Variants in UNC13A observed in about 807,000 individuals in gnomAD.
The protein encoded by UNC13A is protein unc-13 homolog A.
A neutral mutation model predicts 219.7 loss-of-function variants in UNC13A; 61 were observed. The observed-to-expected ratio is 0.28, with a 90% CI of 0.23 to 0.34. The LOEUF is 0.34. Among genes scored for constraint, UNC13A ranks in the 10% least tolerant of loss-of-function variants. UNC13A has a pLI of 1.00. For synonymous variants in UNC13A, 920 were observed against 884.6 expected, an observed-to-expected ratio of 1.04 and a Z score of -0.71; for missense variants, 1,476 against 2,270.3, an observed-to-expected ratio of 0.65 and a Z score of 7.11.
Position 17,627,850 on chromosome 19 carries a change from G to T in UNC13A, c.3831+13C>A. On this transcript the variant is annotated intron_variant, in intron 32 of 43. Coordinates refer to ENST00000519716, the MANE Select transcript of UNC13A (RefSeq NM_001080421.3). This position sits in a 1 kb window ranked among gnomAD's most constrained non-coding sequence, Gnocchi z 4.7. The stretch of plus-strand genomic sequence containing the variant: ...CCCATCCCTTCTCCAGCCCTGCCTC[G>T]GCCCTGCCTCACCTCCTTTCCTCCC... The T allele has an allele frequency of 6.3e-7, 1 of 1,592,458 alleles. No homozygotes were observed. Among genetic ancestry groups the T allele is most frequent in the African/African-American group, 1.3e-5 (1 of 74,688 alleles).
At chr19:17,609,917 T>C (rs751357315) in intron 43 of UNC13A, 23 bp downstream of exon 43, 3 of 1,612,112 alleles carry the variant, frequency 1.9e-6, no homozygotes, top group Non-Finnish European at 2.5e-6. Flanking sequence ...GCCCCCATGC[T>C]CTTCAAAGCA....
chr19:17,646,690 C>T (rs572931156), intron 17 of UNC13A, among the ~76,000 whole-genome samples: 4 of 152,198 alleles, frequency 2.6e-5, no homozygotes, highest in African/African-American at 9.6e-5. Flanking sequence ...AGGGTTCCTT[C>T]CCTCCCTGAC....
At position 17,656,185 on chromosome 19, in the gene UNC13A, G is replaced by C; in HGVS notation, c.981C>G (p.Asp327Glu). The C allele has an allele frequency of 1.3e-6, 2 of 1,552,092 alleles. No homozygotes were observed. The highest frequency in any genetic ancestry group is 1.7e-4 in the Middle Eastern group (1 of 5,992). ...WDQDEEELEE[D>E]LEDFLEEEEL... ...CCTCCTCCTCCAGGAAGTCCTCCAG[G>C]TCCTCCTCCAGCTCTTCCTCATCCT... is the stretch of plus-strand genomic sequence containing the variant. Residue 327 changes from aspartate (D) to glutamate (E), a missense_variant, in exon 10 of 44, where the codon GAC becomes GAG. Coordinates refer to ENST00000519716, the MANE Select transcript of UNC13A (RefSeq NM_001080421.3).
intron 10 of UNC13A, 105 bp from the exon 11 acceptor site, chr19:17,655,487 C>A: frequency 1.1e-6 from 1 of 949,210 alleles, no homozygotes; most frequent in South Asian, 1.5e-5. Flanking sequence ...CATGGTATCT[C>A]TGACCCCTCA....
At chr19:17,623,486 C>T in intron 36 of UNC13A, 56 bp downstream of exon 36, 23 of 1,475,796 alleles carry the variant, frequency 1.6e-5, no homozygotes, top group Non-Finnish European at 2.0e-5. Context: ...CGCGGTGGGC[C>T]GAGTCCAGAC....
chr19:17,667,745 G>A (rs1302105637), intron 6 of UNC13A, among the ~76,000 whole-genome samples: 1 of 151,330 alleles, frequency 6.6e-6, no homozygotes, highest in Non-Finnish European at 1.5e-5. Flanking sequence ...AAATTGCTGG[G>A]ATTACAGGTG....
chr19:17,620,627 G>C (rs1413183702), intron 38 of UNC13A, 66 bp downstream of exon 38: 7 of 1,499,838 alleles, frequency 4.7e-6, no homozygotes, highest in Non-Finnish European at 5.5e-6. Flanking sequence ...AGGTGGAAGG[G>C]GGCACAGGGG....
At chr19:17,659,252 G>A (rs2079511742) in intron 8 of UNC13A, among the ~76,000 whole-genome samples, 1 of 151,896 alleles carries the variant, frequency 6.6e-6, no homozygotes, top group Non-Finnish European at 1.5e-5. Flanking sequence ...AGACCAGCCT[G>A]GGCAACATAC....
intron 9 of UNC13A, 29 bp downstream of exon 9, chr19:17,658,033 A>G: frequency 6.2e-7 from 1 of 1,605,452 alleles, no homozygotes; most frequent in African/African-American, 1.3e-5. Flanking sequence ...AGCAGGACCC[A>G]CATGCATGCT....
intron 25 of UNC13A, among the ~76,000 whole-genome samples, chr19:17,637,252 G>A (rs1163630279): frequency 6.6e-6 from 1 of 151,426 alleles, no homozygotes; most frequent in Non-Finnish European, 1.5e-5. Flanking sequence ...TGACATTACA[G>A]GTGTGAGCCA....
rs148196072 is a variant in UNC13A at position 17,649,371 on chromosome 19, G to T, written c.1519-27C>A. ...TGAAGTGTCCACGCAGCACATGGGG[G>T]TAGAAATCAGACTACATTAGTCTCA... On this transcript the variant is annotated intron_variant, in intron 13 of 43. Transcript: ENST00000519716. This position sits in a 1 kb window ranked among gnomAD's most constrained non-coding sequence, Gnocchi z 4.4. 2,229 of 1,606,840 alleles carry T rather than the reference G, an allele frequency of 1.4e-3. 40 individuals carry two copies. The African/African-American group carries it at 0.026, about 19-fold the overall frequency.
At chr19:17,609,512 C>G (rs2076579140) in intron 43 of UNC13A, among the ~76,000 whole-genome samples, 1 of 152,002 alleles carries the variant, frequency 6.6e-6, no homozygotes, top group Non-Finnish European at 1.5e-5. Flanking sequence ...TCCAGTAGTC[C>G]CCACCCCCAT....
chr19:17,640,876 CTTTCTTT>C (rs2145041487), intron 21 of UNC13A, among the ~76,000 whole-genome samples: 1 of 117,918 alleles, frequency 8.5e-6, no homozygotes, highest in East Asian at 2.0e-4. Context: ...TTTTTTCTTT[CTTTCTTT>C]TTTTTTTTTT....
chr19:17,656,015 T>A lies in UNC13A; in HGVS notation c.1151A>T (p.Lys384Met). Residue 384 changes from lysine to methionine, a missense_variant, in exon 10 of 44, where the codon AAG becomes ATG. Around this residue, in one of 14 missense-constraint regions of UNC13A, gnomAD observed 351 missense variants for 342.6 expected, o/e 1.02. Coordinates refer to ENST00000519716, the MANE Select transcript of UNC13A (RefSeq NM_001080421.3). ...GGGTGCCACTGGGGCCTTGTCCTCC[T>A]TCCCTGGGGCAGCTGGCGGGAGGCT... ...RISLPPAAPG[K>M]EDKAPVAPTE... is the part of the protein sequence containing the mutation. 6.3e-7 allele frequency: 1 copy of A among 1,579,574 alleles called. No individual in the cohort carries two copies. The highest frequency in any genetic ancestry group is 1.3e-5 in the African/African-American group (1 of 74,508).
rs901008843 is a variant in UNC13A at position 17,641,269 on chromosome 19, C to A, written c.2636+124G>T. The A allele has an allele frequency of 1.6e-5, 20 of 1,252,316 alleles. No homozygotes were observed. In the Admixed American group the frequency reaches 3.6e-4, roughly 23 times the overall value. The allele number at this position is 1,252,316 out of a possible 1,614,324, so 77.6% of individuals were successfully genotyped here. A position where few individuals can be genotyped will look rare whatever the true frequency, so the allele number is the denominator to read the frequency against. ...CCTGATCTCCAGGGGAATTACGGAA[C>A]CCACCACCACCACGCCCACTTCCTC... On this transcript the variant is annotated intron_variant, in intron 21 of 43. Transcript: ENST00000519716.
intron 8 of UNC13A, among the ~76,000 whole-genome samples, chr19:17,663,105 C>T (rs1040090026): frequency 2.0e-5 from 3 of 151,854 alleles, no homozygotes; most frequent in South Asian, 2.1e-4. Flanking sequence ...TTAGAGACCC[C>T]GCCCACCCAC....
In UNC13A at chr19:17,655,344, T is replaced by C. The variant is rs2079430598; in HGVS notation, c.1322A>G (p.Gln441Arg). ...GGCCTTGGCCCTGGACATGGAGTCC[T>C]GCCCCTCCTGGCCTTCCTCATCCTC... ...PREDEEGQEG[Q>R]DSMSRAKANW... The change falls in exon 11 of 44, where the codon CAG becomes CGG. Residue 441 changes from glutamine to arginine, a missense_variant. Coordinates refer to ENST00000519716, the MANE Select transcript of UNC13A (RefSeq NM_001080421.3). 2 of 1,591,086 alleles carry C rather than the reference T, an allele frequency of 1.3e-6. No homozygotes were observed. The highest frequency in any genetic ancestry group is 1.1e-5 in the South Asian group (1 of 87,188).
chr19:17,615,973 A>AAAT (rs55836715), intron 41 of UNC13A, among the ~76,000 whole-genome samples: 45,337 of 151,688 alleles, frequency 0.3, 7,572 homozygotes, highest in Middle Eastern at 0.38. Flanking sequence ...CCTTGTCTCT[A>AAAT]AATAATAATA....
intron 8 of UNC13A, among the ~76,000 whole-genome samples, chr19:17,662,554 A>G (rs919252572): frequency 1.3e-5 from 2 of 152,114 alleles, no homozygotes; most frequent in Non-Finnish European, 2.9e-5. Flanking sequence ...CCCAGTCCAT[A>G]AAAAAATTGT....
Sources: allele counts gnomAD v4.1 joint callset (sites outside exome capture counted in the v4.1 genomes callset), GRCh38; gene constraint gnomAD v4.1.1; regional missense constraint gnomAD v4.1.1; non-coding constraint Gnocchi (gnomAD v3.1); transcripts MANE v1.5; gene names NCBI Gene and HGNC (gene_info 2026-07-23, HGNC 2026-07-21).